The following RASA1 variants were observed in gnomAD, a reference collection of about 807,000 sequenced individuals.
The protein encoded by RASA1 is RAS p21 protein activator 1.
Under a neutral mutation model 132.2 loss-of-function variants are expected in RASA1, and 25 were observed. The ratio of observed to expected loss-of-function variants is 0.19; its 90% CI spans 0.14 to 0.26. The LOEUF is 0.26. Ranked by LOEUF, RASA1 falls within the 10% of genes least tolerant of loss-of-function variation. The probability of loss-of-function intolerance (pLI) is 1.00; values close to 1 mark genes in which losing one functional copy is unlikely to be tolerated. For missense variants in RASA1, 964 were observed against 1,299.2 expected, an observed-to-expected ratio of 0.74 and a Z score of 3.97; for synonymous variants, 477 against 449.9, an observed-to-expected ratio of 1.06 and a Z score of -0.76.
At chr5:87,276,546 G>A (rs1456120382) in intron 1 of RASA1, among the ~76,000 whole-genome samples, 1 of 152,130 alleles carries the variant, frequency 6.6e-6, no homozygotes, top group African/African-American at 2.4e-5. Context: ...CAATTCTACA[G>A]TCTAGTTGGA....
intron 9 of RASA1, 148 bp from the exon 10 acceptor site, chr5:87,362,403 C>A: frequency 1.3e-6 from 1 of 754,060 alleles, no homozygotes; most frequent in Non-Finnish European, 2.1e-6. Flanking sequence ...CTGAGAATTT[C>A]TTTGGAAAGC....
chr5:87,268,489 C>G lies in RASA1; in HGVS notation c.38C>G (p.Pro13Arg), dbSNP rs761910879. Reference sequence around the variant, plus strand: ...GAGGCCGGCAGTGAGGAGGGCGGCCCGGTAACAGCCGGAGCTGGAGGAGGC... The same window carrying G: ...GAGGCCGGCAGTGAGGAGGGCGGCCGGGTAACAGCCGGAGCTGGAGGAGGC... ...AAEAGSEEGG[P>R]VTAGAGGGGA... is the part of the protein sequence containing the mutation. Residue 13 changes from proline (P) to arginine (R), a missense_variant, in exon 1 of 25, where the codon CCG becomes CGG. Around this residue, in one of 6 missense-constraint regions of RASA1, gnomAD observed 326 missense variants for 275.8 expected, o/e 1.18. Transcript: ENST00000274376. 14 of 1,555,652 alleles carry G rather than the reference C, an allele frequency of 9.0e-6. No homozygotes were observed. In the East Asian group the frequency reaches 9.5e-5, roughly 11 times the overall value.
chr5:87,391,002 T>A lies in RASA1; in HGVS notation c.*119T>A. The A allele has an allele frequency of 1.0e-6, 1 of 1,003,970 alleles. No individual in the cohort carries two copies. Among genetic ancestry groups the A allele is most frequent in the South Asian group, 1.3e-5 (1 of 74,506 alleles). The allele number at this position is 1,003,970 out of a possible 1,614,324, so 62.2% of individuals were successfully genotyped here. A position where few individuals can be genotyped will look rare whatever the true frequency, so the allele number is the denominator to read the frequency against. On this transcript the variant is annotated 3_prime_UTR_variant, in exon 25 of 25. Coordinates refer to ENST00000274376, the MANE Select transcript of RASA1 (RefSeq NM_002890.3). ...CACACTTTTCCACATTCCAGTGATG[T>A]GTGAGCTATGCAAACAAAATCCAAG...
At chr5:87,272,413 A>T (rs1001864847) in intron 1 of RASA1, among the ~76,000 whole-genome samples, 4 of 152,118 alleles carry the variant, frequency 2.6e-5, no homozygotes, top group Non-Finnish European at 5.9e-5. Flanking sequence ...AAGCGTGCAG[A>T]TTCTGAAGTT....
rs1336430934 is a variant in RASA1 at position 87,268,674 on chromosome 5, G to A, written c.223G>A (p.Gly75Arg). 1 of 1,611,214 alleles carries A rather than the reference G, an allele frequency of 6.2e-7. No individual in the cohort carries two copies. Among genetic ancestry groups the A allele is most frequent in the African/African-American group, 1.3e-5 (1 of 74,896 alleles). The part of the protein sequence containing the change: ...AALGSEFLGA[G>R]SVAGALGGAG... Reference sequence around the variant, plus strand: ...TTTGGGGTCAGAGTTCCTAGGAGCCGGGTCTGTGGCAGGGGCACTGGGGGG... The same window carrying A: ...TTTGGGGTCAGAGTTCCTAGGAGCCAGGTCTGTGGCAGGGGCACTGGGGGG... Residue 75 changes from glycine to arginine, a missense_variant, in exon 1 of 25, where the codon GGG becomes AGG. Physicochemically the swap from Gly to Arg is moderately radical, Grantham distance 125 (BLOSUM62 -2). Coordinates refer to ENST00000274376, the MANE Select transcript of RASA1 (RefSeq NM_002890.3).
At chr5:87,331,305 A>C (rs762762040) in intron 1 of RASA1, 43 bp from the exon 2 acceptor site, 20 of 1,544,014 alleles carry the variant, frequency 1.3e-5, no homozygotes, top group Non-Finnish European at 1.6e-5. Flanking sequence ...GAAATTCTGC[A>C]CTTGCTATTT....
intron 1 of RASA1, among the ~76,000 whole-genome samples, chr5:87,319,307 ACT>A (rs1378428677): frequency 3.3e-5 from 5 of 151,656 alleles, no homozygotes; most frequent in African/African-American, 1.2e-4. Flanking sequence ...CCTAGTGGAG[ACT>A]CTCTGTGAGG....
intron 8 of RASA1, among the ~76,000 whole-genome samples, chr5:87,350,736 A>T (rs1759199901): frequency 6.6e-6 from 1 of 151,550 alleles, no homozygotes; most frequent in African/African-American, 2.4e-5. Flanking sequence ...AAAAAGTTAA[A>T]TGTATGTTAA....
In RASA1 at chr5:87,269,271, G is replaced by T. The variant is rs1012570231; in HGVS notation, c.539+281G>T. ...TCTAATGAGAACCGGATATAGTTCT[G>T]TCCCTTCCAAGTTGAGGTGGTGTCC... On this transcript the variant is annotated intron_variant, in intron 1 of 24. Transcript: ENST00000274376. 3.3e-6 allele frequency: 5 copies of T among 1,537,466 alleles called. No homozygotes were observed. The African/African-American group carries it at 6.8e-5, about 21-fold the overall frequency.
At chr5:87,270,559 C>T (rs1401987370) in intron 1 of RASA1, among the ~76,000 whole-genome samples, 1 of 148,816 alleles carries the variant, frequency 6.7e-6, no homozygotes, top group Non-Finnish European at 1.5e-5. Flanking sequence ...TATGGCCAAA[C>T]TGATGTCGAA....
rs374993077 is a variant in RASA1 at position 87,353,255 on chromosome 5, T to C, written c.1332+20T>C. 2.7e-5 allele frequency: 42 copies of C among 1,548,006 alleles called. No homozygotes were observed. In the East Asian group the frequency reaches 2.9e-4, roughly 11 times the overall value. On this transcript the variant is annotated intron_variant, in intron 9 of 24. Transcript: ENST00000274376. ...ATGCAGGTCAGTGTTGCATTTCTTA[T>C]TGCAATAATTAGCATTTTATTTTAA...
chr5:87,272,671 T>A (rs1174944898), intron 1 of RASA1, among the ~76,000 whole-genome samples: 10 of 152,202 alleles, frequency 6.6e-5, no homozygotes, highest in African/African-American at 4.8e-5. Flanking sequence ...AATTGTCTAC[T>A]AATTCTTTTG....
chr5:87,371,395 T>C (rs1270543279), intron 12 of RASA1, among the ~76,000 whole-genome samples: 1 of 152,048 alleles, frequency 6.6e-6, no homozygotes, highest in African/African-American at 2.4e-5. Context: ...AAAGACATAA[T>C]TGAATAAAGC....
chr5:87,320,517 C>T (rs1010238275), intron 1 of RASA1, among the ~76,000 whole-genome samples: 2 of 152,164 alleles, frequency 1.3e-5, no homozygotes, highest in Non-Finnish European at 2.9e-5. Context: ...AAAGGGGAAG[C>T]AAGAACATCT....
chr5:87,377,348 C>A (rs148788866), intron 17 of RASA1, among the ~76,000 whole-genome samples: 11 of 152,048 alleles, frequency 7.2e-5, no homozygotes, highest in African/African-American at 9.6e-5. Flanking sequence ...TTTTTATTTT[C>A]TTTTGAGATG....
intron 1 of RASA1, among the ~76,000 whole-genome samples, chr5:87,290,923 A>G (rs1020686537): frequency 1.3e-5 from 2 of 152,194 alleles, no homozygotes; most frequent in East Asian, 3.8e-4. Flanking sequence ...AAACATTTGT[A>G]TGCAGGTTTT....
chr5:87,352,961 A>T (rs1285590613), intron 8 of RASA1, among the ~76,000 whole-genome samples, 196 bp from the exon 9 acceptor site: 2 of 151,998 alleles, frequency 1.3e-5, no homozygotes, highest in East Asian at 3.9e-4. Flanking sequence ...TCTGGCCTGT[A>T]AATCTATATT....
At chr5:87,380,654 A>T (rs1488352098) in intron 20 of RASA1, 59 bp downstream of exon 20, 51 of 1,393,980 alleles carry the variant, frequency 3.7e-5, no homozygotes, top group Non-Finnish European at 5.2e-5. Flanking sequence ...ATTGTGAAAA[A>T]TTGAGGAATA....
At chr5:87,372,647 C>T (rs181079295) in intron 13 of RASA1, among the ~76,000 whole-genome samples, 2 of 152,240 alleles carry the variant, frequency 1.3e-5, no homozygotes, top group African/African-American at 2.4e-5. Flanking sequence ...GTAACATGCC[C>T]TATACTTTGA....
Sources: allele counts gnomAD v4.1 joint callset (sites outside exome capture counted in the v4.1 genomes callset), GRCh38; gene constraint gnomAD v4.1.1; regional missense constraint gnomAD v4.1.1; transcripts MANE v1.5; gene names NCBI Gene and HGNC (gene_info 2026-07-23, HGNC 2026-07-21).